Variants in DLGAP1 observed in about 807,000 individuals in gnomAD.
DLGAP1 encodes DLG associated protein 1, also known as disks large-associated protein 1.
DLGAP1 carries 11 observed loss-of-function variants against 90.8 expected under a neutral mutation model. The observed-to-expected ratio is 0.12, with a 90% CI of 0.08 to 0.20. The LOEUF (loss-of-function observed/expected upper bound fraction) is 0.20, where lower values mean the gene tolerates loss of function less well. Among genes scored for constraint, DLGAP1 ranks in the 10% least tolerant of loss-of-function variants. The pLI, the probability that DLGAP1 is intolerant of heterozygous loss-of-function variation, is 1.00. For synonymous variants in DLGAP1, 558 were observed against 540.7 expected, an observed-to-expected ratio of 1.03 and a Z score of -0.44; for missense variants, 1,050 against 1,333.8, an observed-to-expected ratio of 0.79 and a Z score of 3.31.
intron 10 of DLGAP1, among the ~76,000 whole-genome samples, chr18:3,521,446 C>A (rs1179970321): frequency 3.3e-5 from 5 of 152,196 alleles, no homozygotes; most frequent in African/African-American, 9.7e-5. Context: ...GCTCCAAGCG[C>A]CCACGGCTTC....
At chr18:3,703,062 T>C (rs1455370204) in intron 7 of DLGAP1, among the ~76,000 whole-genome samples, 2 of 152,192 alleles carry the variant, frequency 1.3e-5, no homozygotes, top group Non-Finnish European at 2.9e-5. Flanking sequence ...TGGAGCCTGA[T>C]GGTGCCAACA....
intron 7 of DLGAP1, among the ~76,000 whole-genome samples, chr18:3,631,375 T>C (rs1441989057): frequency 1.3e-5 from 2 of 152,236 alleles, no homozygotes; most frequent in African/African-American, 4.8e-5. Context: ...CTTAACCTTT[T>C]CTTAGAAAAT....
intron 1 of DLGAP1, among the ~76,000 whole-genome samples, chr18:4,266,259 C>T (rs948832524): frequency 6.6e-6 from 1 of 152,182 alleles, no homozygotes; most frequent in Non-Finnish European, 1.5e-5. Flanking sequence ...CTATACAGCC[C>T]TCAAGCTGGG....
rs983975173 is a variant in DLGAP1, at chr18:4,378,025, T to C, written c.-267+76981A>G. Among the ~76,000 whole-genome samples, 1 of 150,780 alleles carries C rather than the reference T, an allele frequency of 6.6e-6. No homozygotes were observed. Among genetic ancestry groups the C allele is most frequent in the Non-Finnish European group, 1.5e-5 (1 of 67,716 alleles). ...ATATTACAGAATGATATGAAATCTA[T>C]CTATTTTTGTCTATGTGTTTTTATA... On this transcript the variant is annotated intron_variant, in intron 1 of 12. Transcript: ENST00000315677. This position sits in a 1 kb window ranked among gnomAD's most constrained non-coding sequence, Gnocchi z 4.5.
rs2051129654 is a variant in DLGAP1, at chr18:3,520,697, T to C, written c.2480-12036A>G. ...ATCTCGAACTTCCAGCCTCCAAAAC[T>C]GTGAGAAAATTAATTTCTCCTGTTT... On this transcript the variant is annotated intron_variant, in intron 10 of 12. Transcript: ENST00000315677. Among the ~76,000 whole-genome samples the C allele has an allele frequency of 2.0e-5, 3 of 152,212 alleles. No homozygotes were observed. In the South Asian group the frequency reaches 6.2e-4, roughly 31 times the overall value.
chr18:4,242,905 C>G (rs572856862), intron 1 of DLGAP1, among the ~76,000 whole-genome samples: 1 of 151,966 alleles, frequency 6.6e-6, no homozygotes, highest in African/African-American at 2.4e-5. Context: ...CATGTAGTAC[C>G]CACGATGAGG....
At chr18:3,903,298 G>A (rs961393696) in intron 3 of DLGAP1, among the ~76,000 whole-genome samples, 4 of 152,136 alleles carry the variant, frequency 2.6e-5, no homozygotes, top group Non-Finnish European at 5.9e-5. Context: ...GAACATGAAC[G>A]TGGTAATTGA....
intron 1 of DLGAP1, among the ~76,000 whole-genome samples, chr18:4,252,484 C>T (rs553658629): frequency 1.3e-5 from 2 of 148,874 alleles, no homozygotes; most frequent in African/African-American, 2.6e-5. Flanking sequence ...AAAGTTTGTG[C>T]ATACTTACAT....
rs2059554201 is a variant in DLGAP1 at position 3,657,832 on chromosome 18, C to T, written c.1591+71303G>A. On this transcript the variant is annotated intron_variant, in intron 7 of 12. Coordinates refer to ENST00000315677, the MANE Select transcript of DLGAP1 (RefSeq NM_004746.4). ...TGTTAGCCAGGATGGTCTCGATCTC[C>T]TGACCTCGTGATCCGCCCGCCTCGG... 2.6e-5 allele frequency among the ~76,000 whole-genome samples: 4 copies of T among 151,800 alleles called. 1 individual carries two copies. In the South Asian group the frequency reaches 8.3e-4, roughly 31 times the overall value.
intron 1 of DLGAP1, among the ~76,000 whole-genome samples, chr18:4,337,141 AAG>A: frequency 6.6e-6 from 1 of 150,726 alleles, no homozygotes; most frequent in Non-Finnish European, 1.5e-5. Flanking sequence ...AAAAAAAAAA[AAG>A]AGCAAAAGTA....
intron 7 of DLGAP1, among the ~76,000 whole-genome samples, chr18:3,620,653 G>A (rs2058064464): frequency 6.6e-6 from 1 of 152,054 alleles, no homozygotes; most frequent in Non-Finnish European, 1.5e-5. Flanking sequence ...TGCCTCCTGG[G>A]TTCAAGTGAT....
intron 9 of DLGAP1, among the ~76,000 whole-genome samples, chr18:3,561,999 C>T (rs1052003450): frequency 3.3e-5 from 5 of 150,182 alleles, no homozygotes; most frequent in Admixed American, 6.6e-5. Flanking sequence ...GAGGCCGAGG[C>T]GGGAAGATCA....
At chr18:4,339,055 C>T (rs999756603) in intron 1 of DLGAP1, among the ~76,000 whole-genome samples, 17 of 152,202 alleles carry the variant, frequency 1.1e-4, no homozygotes, top group African/African-American at 2.9e-4. Flanking sequence ...AATATGTACG[C>T]GGAAGGTTAG....
At chr18:3,602,544 G>A (rs977435116) in intron 7 of DLGAP1, among the ~76,000 whole-genome samples, 2 of 139,016 alleles carry the variant, frequency 1.4e-5, no homozygotes, top group East Asian at 4.3e-4. Flanking sequence ...GCAGGGAGCC[G>A]AGATCGCGCC....
chr18:3,551,623 C>T lies in DLGAP1; in HGVS notation c.2057+15867G>A, dbSNP rs199600397. On this transcript the variant is annotated intron_variant, in intron 9 of 12. Coordinates refer to ENST00000315677, the MANE Select transcript of DLGAP1 (RefSeq NM_004746.4). The stretch of plus-strand genomic sequence containing the variant: ...TCTTTTTCTTTCTTTCTTTCTTTTT[C>T]TTTCTTTCTTTCCTTCCTTTCTCTC... Among the ~76,000 whole-genome samples, 49 of 82,452 alleles carry T rather than the reference C, an allele frequency of 5.9e-4. 1 individual carries two copies. The highest frequency in any genetic ancestry group is 2.2e-3 in the East Asian group (5 of 2,280). 54.1% of individuals were successfully genotyped at this position (82,452 alleles called of 152,430 possible).
At chr18:3,918,970 TACAC>T (rs2072208379) in intron 3 of DLGAP1, among the ~76,000 whole-genome samples, 1 of 152,196 alleles carries the variant, frequency 6.6e-6, no homozygotes, top group Non-Finnish European at 1.5e-5. Context: ...TCTCAAGAGA[TACAC>T]ACAGTCTATC....
At chr18:3,969,191 G>A (rs764148065) in intron 3 of DLGAP1, among the ~76,000 whole-genome samples, 9 of 152,172 alleles carry the variant, frequency 5.9e-5, no homozygotes, top group South Asian at 2.1e-4. Context: ...GTCAAACTAT[G>A]CGAACTTCCA....
intron 1 of DLGAP1, among the ~76,000 whole-genome samples, chr18:4,445,387 G>A (rs958091895): frequency 4.6e-5 from 7 of 150,858 alleles, no homozygotes; most frequent in Non-Finnish European, 5.9e-5. Flanking sequence ...ATGCTGGTGC[G>A]CTGCACCCAC....
chr18:3,730,474 T>A (rs911111183), intron 6 of DLGAP1, among the ~76,000 whole-genome samples: 1 of 152,204 alleles, frequency 6.6e-6, no homozygotes, highest in Non-Finnish European at 1.5e-5. Flanking sequence ...TGACTAGATG[T>A]TCCAGTCAAC....
Sources: gnomAD v4.1 joint callset for allele counts (sites outside exome capture counted in the v4.1 genomes callset) on GRCh38, gnomAD v4.1.1 for gene constraint, Gnocchi (gnomAD v3.1) non-coding constraint, MANE v1.5 for transcripts, NCBI Gene and HGNC (gene_info 2026-07-23, HGNC 2026-07-21) for gene names.